Variants in CHCHD3 observed in about 807,000 individuals in gnomAD.
CHCHD3 encodes the protein coiled-coil-helix-coiled-coil-helix domain containing 3.
CHCHD3 carries 20 observed loss-of-function variants against 38.2 expected under a neutral mutation model. The ratio of observed to expected loss-of-function variants is 0.52; its 90% confidence interval spans 0.37 to 0.76. The LOEUF is 0.76. Among genes scored for constraint, CHCHD3 ranks in the 30% least tolerant of loss-of-function variants. The pLI is 0.00. For synonymous variants in CHCHD3, 82 were observed against 100.0 expected, an observed-to-expected ratio of 0.82 and a Z score of 1.07; for missense variants, 245 against 279.2, an observed-to-expected ratio of 0.88 and a Z score of 0.87.
At chr7:132,898,157 A>G (rs567784735) in intron 4 of CHCHD3, among the ~76,000 whole-genome samples, 1 of 152,154 alleles carries the variant, frequency 6.6e-6, no homozygotes, top group Non-Finnish European at 1.5e-5. Flanking sequence ...GGACCCAAAG[A>G]GTGAGCAGTA....
chr7:133,021,876 G>A (rs1014303190), intron 3 of CHCHD3, among the ~76,000 whole-genome samples: 1 of 152,052 alleles, frequency 6.6e-6, no homozygotes, highest in Non-Finnish European at 1.5e-5. Context: ...CACAAGGTCA[G>A]AAGTTCAAGA....
At chr7:133,049,593 T>C (rs576088714) in intron 2 of CHCHD3, among the ~76,000 whole-genome samples, 14 of 152,332 alleles carry the variant, frequency 9.2e-5, no homozygotes, top group Admixed American at 5.9e-4. Context: ...CATCTTTGTA[T>C]TCCTCATAAT....
In CHCHD3 at chr7:132,923,382, C is replaced by A. The variant is rs146639121; in HGVS notation, c.370-37637G>T. 3.9e-3 allele frequency among the ~76,000 whole-genome samples: 593 copies of A among 152,196 alleles called. 8 individuals carry two copies. Among genetic ancestry groups the A allele is most frequent in the African/African-American group, 0.01 (430 of 41,508 alleles). On this transcript the variant is annotated intron_variant, in intron 4 of 7. Coordinates refer to ENST00000262570, the MANE Select transcript of CHCHD3 (RefSeq NM_017812.4). Reference sequence around the variant, plus strand: ...GTGTGACTGGACACTTCAAACTCGCCTTTCCATATGGATAAGAGATAAGAT... The same window carrying A: ...GTGTGACTGGACACTTCAAACTCGCATTTCCATATGGATAAGAGATAAGAT...
intron 3 of CHCHD3, among the ~76,000 whole-genome samples, chr7:132,982,348 G>A (rs1428320879): frequency 6.6e-6 from 1 of 152,166 alleles, no homozygotes; most frequent in African/African-American, 2.4e-5. Flanking sequence ...GCAGTGGTGT[G>A]ATCTTGGCTC....
intron 5 of CHCHD3, among the ~76,000 whole-genome samples, chr7:132,864,527 T>A (rs572805022): frequency 6.6e-6 from 1 of 152,158 alleles, no homozygotes; most frequent in Non-Finnish European, 1.5e-5. Context: ...AGTGAGCACA[T>A]GCTTTGGGAA....
chr7:132,974,993 T>C (rs1048338698), intron 4 of CHCHD3, among the ~76,000 whole-genome samples, 176 bp downstream of exon 4: 1 of 152,206 alleles, frequency 6.6e-6, no homozygotes, highest in African/African-American at 2.4e-5. Flanking sequence ...TTTAAAGTCC[T>C]TGATGGTTAA....
At chr7:132,967,502 T>C (rs535510669) in intron 4 of CHCHD3, among the ~76,000 whole-genome samples, 1 of 152,080 alleles carries the variant, frequency 6.6e-6, no homozygotes, top group South Asian at 2.1e-4. Context: ...AGATCCTAGG[T>C]ATTTCTGGCC....
intron 2 of CHCHD3, among the ~76,000 whole-genome samples, chr7:133,046,854 C>T (rs772439498): frequency 2.0e-4 from 30 of 152,312 alleles, no homozygotes; most frequent in East Asian, 1.9e-3. Context: ...TGAGCCACCG[C>T]ACCCGGCCAT....
intron 5 of CHCHD3, among the ~76,000 whole-genome samples, chr7:132,846,879 A>T (rs1018826245): frequency 2.0e-5 from 3 of 152,258 alleles, no homozygotes; most frequent in African/African-American, 4.8e-5. Flanking sequence ...AAGGAAATGT[A>T]TATCACTTAA....
intron 5 of CHCHD3, among the ~76,000 whole-genome samples, chr7:132,872,746 T>G (rs1808796435): frequency 6.6e-6 from 1 of 152,182 alleles, no homozygotes. Flanking sequence ...CAGTTGAGAA[T>G]CTGTTACTTG....
chr7:132,954,678 T>C (rs1811116301), intron 4 of CHCHD3, among the ~76,000 whole-genome samples: 1 of 151,950 alleles, frequency 6.6e-6, no homozygotes. Context: ...CCTCAGATGG[T>C]ACAATTCCCA....
At chr7:133,072,196 G>A (rs1814842406) in intron 1 of CHCHD3, among the ~76,000 whole-genome samples, 1 of 150,554 alleles carries the variant, frequency 6.6e-6, no homozygotes, top group African/African-American at 2.4e-5. Flanking sequence ...GTGTTGGAAT[G>A]TAAACTTAAA....
intron 4 of CHCHD3, among the ~76,000 whole-genome samples, chr7:132,955,896 T>C (rs1380146936): frequency 6.6e-6 from 1 of 152,098 alleles, no homozygotes; most frequent in Non-Finnish European, 1.5e-5. Context: ...GGTGATAATA[T>C]CCAGGGTGGT....
At chr7:133,014,163 C>T (rs1366584704) in intron 3 of CHCHD3, among the ~76,000 whole-genome samples, 1 of 151,874 alleles carries the variant, frequency 6.6e-6, no homozygotes, top group Non-Finnish European at 1.5e-5. Context: ...CTAAATCAAC[C>T]TTGACAAAAT....
At chr7:132,966,586 T>C (rs989737175) in intron 4 of CHCHD3, among the ~76,000 whole-genome samples, 2 of 152,198 alleles carry the variant, frequency 1.3e-5, no homozygotes, top group Non-Finnish European at 2.9e-5. Flanking sequence ...TGGTAAATAA[T>C]ATTGCTGTTC....
chr7:133,010,323 G>A (rs1183782758), intron 3 of CHCHD3, among the ~76,000 whole-genome samples: 4 of 152,146 alleles, frequency 2.6e-5, no homozygotes, highest in African/African-American at 9.7e-5. Flanking sequence ...ACAGGCCAAA[G>A]CAGGCTTCAT....
intron 3 of CHCHD3, among the ~76,000 whole-genome samples, chr7:133,011,442 G>A (rs989536244): frequency 2.0e-5 from 3 of 152,150 alleles, no homozygotes; most frequent in South Asian, 2.1e-4. Context: ...TCTCGGCCTC[G>A]GAGCTATATC....
At chr7:133,026,499 C>G (rs1813340651) in intron 2 of CHCHD3, among the ~76,000 whole-genome samples, 1 of 152,158 alleles carries the variant, frequency 6.6e-6, no homozygotes, top group Admixed American at 6.5e-5. Context: ...TACCATATAA[C>G]CCAGCAATTC....
At chr7:133,073,472 C>T (rs1814887279) in intron 1 of CHCHD3, among the ~76,000 whole-genome samples, 1 of 152,140 alleles carries the variant, frequency 6.6e-6, no homozygotes, top group Non-Finnish European at 1.5e-5. Context: ...TCTGGCAAAC[C>T]AGAAGCACCT....
Sources: gnomAD v4.1 joint callset for allele counts (sites outside exome capture counted in the v4.1 genomes callset) on GRCh38, gnomAD v4.1.1 for gene constraint, MANE v1.5 for transcripts, NCBI Gene and HGNC (gene_info 2026-07-23, HGNC 2026-07-21) for gene names.